The following DEDD2 variants were observed in gnomAD, a reference collection of about 807,000 sequenced individuals.
The protein encoded by DEDD2 is DNA-binding death effector domain-containing protein 2.
A neutral mutation model predicts 28.9 loss-of-function variants in DEDD2; 18 were observed. That is an observed-to-expected ratio of 0.62 (90% CI 0.43 to 0.92). DEDD2 has a LOEUF of 0.92. Ranked by LOEUF, DEDD2 falls within the 40% of genes least tolerant of loss-of-function variation. DEDD2 has a pLI of 0.00. For synonymous variants in DEDD2, 211 were observed against 206.1 expected, an observed-to-expected ratio of 1.02 and a Z score of -0.20; for missense variants, 411 against 463.3, an observed-to-expected ratio of 0.89 and a Z score of 1.04.
chr19:42,200,961 T>C (rs997113683), intron 4 of DEDD2, among the ~76,000 whole-genome samples: 4 of 149,374 alleles, frequency 2.7e-5, no homozygotes, highest in Non-Finnish European at 6.0e-5. Context: ...CAGTACCCCC[T>C]CTCTCTACAC....
chr19:42,213,929 G>A (rs973883201), intron 3 of DEDD2, among the ~76,000 whole-genome samples: 14 of 152,108 alleles, frequency 9.2e-5, no homozygotes, highest in African/African-American at 3.1e-4. Context: ...ATTTTCTTAG[G>A]TATAATAGTC....
chr19:42,199,298 G>A lies in DEDD2; in HGVS notation c.*140C>T. 7.8e-7 allele frequency: 1 copy of A among 1,286,174 alleles called. No individual in the cohort carries two copies. The highest frequency in any genetic ancestry group is 1.0e-6 in the Non-Finnish European group (1 of 965,140). The allele number at this position is 1,286,174 out of a possible 1,614,324, so 79.7% of individuals were successfully genotyped here. A position where few individuals can be genotyped will look rare whatever the true frequency, so the allele number is the denominator to read the frequency against. On this transcript the variant is annotated 3_prime_UTR_variant, in exon 5 of 5. Coordinates refer to ENST00000596251, the MANE Select transcript of DEDD2 (RefSeq NM_133328.4). The surrounding 1 kb of genome is among the most constrained non-coding windows in gnomAD (Gnocchi z 7.4). The stretch of plus-strand genomic sequence containing the variant: ...GAGCCCACATCCTGTGGGAGGGGCT[G>A]TCAAGGGGCCTGCTGTCCCGGTCCT...
chr19:42,215,773 G>A (rs529133129), intron 2 of DEDD2, among the ~76,000 whole-genome samples: 1 of 152,184 alleles, frequency 6.6e-6, no homozygotes, highest in African/African-American at 2.4e-5. Flanking sequence ...CAAAGGCTTG[G>A]TCTATTCATG....
chr19:42,217,165 C>G (rs1326870595), intron 1 of DEDD2, 120 bp from the exon 2 acceptor site: 2 of 716,592 alleles, frequency 2.8e-6, no homozygotes, highest in Non-Finnish European at 4.5e-6. Flanking sequence ...CACCCCCAAC[C>G]GCCTCGGCCT....
chr19:42,215,312 G>A (rs1394646705), intron 2 of DEDD2, 60 bp from the exon 3 acceptor site: 14 of 1,597,594 alleles, frequency 8.8e-6, no homozygotes, highest in Non-Finnish European at 6.8e-6. Context: ...TCCCACCCCT[G>A]GAAGAATGCC....
chr19:42,219,011 GAAAC>G (rs1017504311), upstream of DEDD2, among the ~76,000 whole-genome samples: 1 of 151,446 alleles, frequency 6.6e-6, no homozygotes, highest in Non-Finnish European at 1.5e-5. Context: ...TTTGTCTCAA[GAAAC>G]AAACAAACGC....
rs138071165 is a variant in DEDD2, at chr19:42,213,245, A to AT, written c.448+1887dup. 5.2e-3 allele frequency among the ~76,000 whole-genome samples: 796 copies of AT among 152,304 alleles called. 10 individuals are homozygous for AT. The highest frequency in any genetic ancestry group is 0.018 in the African/African-American group (765 of 41,562). On this transcript the variant is annotated intron_variant, in intron 3 of 4. Transcript: ENST00000596251. ...TAGTGACACTCAAACTCAAAGGGGCATTGGGGGAATACCTCTTGAAAGAGA... is the reference window on the plus strand; with the variant it reads ...TAGTGACACTCAAACTCAAAGGGGCATTTGGGGGAATACCTCTTGAAAGAGA...
intron 4 of DEDD2, among the ~76,000 whole-genome samples, chr19:42,201,467 C>T (rs911275860): frequency 6.6e-6 from 1 of 152,222 alleles, no homozygotes; most frequent in Non-Finnish European, 1.5e-5. Flanking sequence ...AGCCACCAAC[C>T]CCTCTGATAG....
intron 4 of DEDD2, among the ~76,000 whole-genome samples, chr19:42,209,309 A>G (rs1465051875): frequency 6.6e-6 from 1 of 152,186 alleles, no homozygotes; most frequent in East Asian, 1.9e-4. Context: ...GAGGTCAGAC[A>G]ACTTATTTAA....
rs1472244823 is a variant in DEDD2 at position 42,199,630 on chromosome 19, C to T, written c.789G>A (p.Trp263Ter). 6.2e-7 allele frequency: 1 copy of T among 1,614,156 alleles called. No homozygotes were observed. The highest frequency in any genetic ancestry group is 8.5e-7 in the Non-Finnish European group (1 of 1,179,990). The part of the protein sequence containing the change: ...FSELSYLDAF[W>*]GDYLSGALLQ... ...GCAGGGCGCCACTCAGGTAGTCGCC[C>T]CAGAAGGCGTCCAGATAGGAGAGCT... The change falls in exon 5 of 5, where the codon TGG (tryptophan) becomes TGA (stop). Residue 263 changes from tryptophan to a stop codon, truncating the protein, a stop_gained. Coordinates refer to ENST00000596251, the MANE Select transcript of DEDD2 (RefSeq NM_133328.4). LOFTEE classifies it high-confidence loss of function. This position sits in a 1 kb window ranked among gnomAD's most constrained non-coding sequence, Gnocchi z 7.4.
At chr19:42,219,768 G>C (rs2036097759), upstream of DEDD2, among the ~76,000 whole-genome samples, 1 of 152,228 alleles carries the variant, frequency 6.6e-6, no homozygotes, top group Non-Finnish European at 1.5e-5. Context: ...GAAGAGTAGG[G>C]AGAATAGGAA....
chr19:42,215,222 G>C lies in DEDD2; in HGVS notation c.359C>G (p.Ser120Cys), dbSNP rs1206324123. The C allele has an allele frequency of 3.7e-6, 6 of 1,613,912 alleles. No individual in the cohort carries two copies. The highest frequency in any genetic ancestry group is 1.3e-5 in the African/African-American group (1 of 75,030). The change falls in exon 3 of 5, where the codon TCC (serine) becomes TGC (cysteine). Residue 120 changes from serine (S) to cysteine (C), a missense_variant. Transcript: ENST00000596251. Reference protein sequence around the residue: ...VSPERYSYGTSSSSKRTEGSC... With the variant: ...VSPERYSYGTCSSSKRTEGSC... Reference sequence around the variant, plus strand: ...ACCCTCTGTCCTCTTTGAAGAGCTGGAGGTGCCATAGCTATAGCGTTCTGG... The same window carrying C: ...ACCCTCTGTCCTCTTTGAAGAGCTGCAGGTGCCATAGCTATAGCGTTCTGG...
chr19:42,217,011 C>A lies in DEDD2; in HGVS notation c.-4G>T. The A allele has an allele frequency of 1.3e-6, 2 of 1,575,530 alleles. No homozygotes were observed. The highest frequency in any genetic ancestry group is 2.4e-5 in the East Asian group (1 of 42,294). On this transcript the variant is annotated 5_prime_UTR_variant, in exon 2 of 5. Transcript: ENST00000596251. ...GGGTCGACCCGGATAGCGCCATTCC[C>A]GGGGGAGGGAGGCGGAACAAGCTCA... is the stretch of plus-strand genomic sequence containing the variant.
Position 42,216,797 on chromosome 19 carries a change from C to G in DEDD2, c.211G>C (p.Glu71Gln). The change falls in exon 2 of 5, where the codon GAG becomes CAG. Residue 71 changes from glutamate (E) to glutamine (Q), a missense_variant. Glu to Gln is a conservative substitution (Grantham distance 29). Coordinates refer to ENST00000596251, the MANE Select transcript of DEDD2 (RefSeq NM_133328.4). ...RARSGLELLL[E>Q]LERRGQCDES... ...TCGCACTGCCCGCGGCGCTCCAGCT[C>G]CAGCAGGAGCTCTAGGCCGCTGCGG... The G allele has an allele frequency of 6.3e-7, 1 of 1,585,892 alleles. No individual in the cohort carries two copies. Among genetic ancestry groups the G allele is most frequent in the Non-Finnish European group, 8.6e-7 (1 of 1,166,402 alleles).
intron 3 of DEDD2, 125 bp downstream of exon 3, chr19:42,215,008 C>A: frequency 7.9e-7 from 1 of 1,270,240 alleles, no homozygotes; most frequent in Non-Finnish European, 1.1e-6. Flanking sequence ...TAAACACACA[C>A]ACACACACAC....
rs76645757 is a variant in DEDD2, at chr19:42,216,186, G to A, written c.328+494C>T. Among the ~76,000 whole-genome samples, 446 of 152,252 alleles carry A rather than the reference G, an allele frequency of 2.9e-3. 7 individuals carry two copies. Among genetic ancestry groups the A allele is most frequent in the East Asian group, 0.024 (124 of 5,188 alleles). On this transcript the variant is annotated intron_variant, in intron 2 of 4. Transcript: ENST00000596251. ...TTACTTTTAGTCTTCCTACAACAGC[G>A]TCTAAAAATAAGTTCTCTTATTATC...
intron 4 of DEDD2, among the ~76,000 whole-genome samples, chr19:42,200,736 G>A (rs545574381): frequency 6.7e-4 from 102 of 152,346 alleles, no homozygotes; most frequent in African/African-American, 2.2e-3. Flanking sequence ...GCCCACGATC[G>A]TAGCTGGATT....
At chr19:42,214,118 C>T (rs1425614559) in intron 3 of DEDD2, among the ~76,000 whole-genome samples, 1 of 152,184 alleles carries the variant, frequency 6.6e-6, no homozygotes, top group Non-Finnish European at 1.5e-5. Context: ...AAGATGTTAA[C>T]TGTACTAATC....
intron 4 of DEDD2, among the ~76,000 whole-genome samples, chr19:42,208,207 C>G (rs997257831): frequency 6.6e-6 from 1 of 152,144 alleles, no homozygotes; most frequent in African/African-American, 2.4e-5. Context: ...TGTGTCCTCC[C>G]CACATGACCA....
Sources: gnomAD v4.1 joint callset for allele counts (sites outside exome capture counted in the v4.1 genomes callset) on GRCh38, gnomAD v4.1.1 for gene constraint, Gnocchi (gnomAD v3.1) non-coding constraint, MANE v1.5 for transcripts, NCBI Gene and HGNC (gene_info 2026-07-23, HGNC 2026-07-21) for gene names.